Variants in GPR143 observed in about 807,000 individuals in gnomAD.
GPR143 encodes the protein G protein-coupled receptor 143.
Under a neutral mutation model 27.6 loss-of-function variants are expected in GPR143, and 8 were observed. The ratio of observed to expected loss-of-function variants is 0.29; its 90% confidence interval spans 0.17 to 0.52. The LOEUF (loss-of-function observed/expected upper bound fraction) is 0.52, where lower values mean the gene tolerates loss of function less well. Ranked by LOEUF, GPR143 falls within the 20% of genes least tolerant of loss-of-function variation. The pLI, the probability that GPR143 is intolerant of heterozygous loss-of-function variation, is 0.96. For missense variants in GPR143, 303 were observed against 343.1 expected (o/e 0.88, Z 0.92); for synonymous variants, 156 against 153.2 (o/e 1.02, Z -0.13).
chrX:9,736,690 T>G (rs1267739656), intron 8 of GPR143, among the ~76,000 whole-genome samples: 1 of 111,847 alleles, frequency 8.9e-6, no homozygotes, highest in Non-Finnish European at 1.9e-5. Context: ...TAATAATATG[T>G]CACTTGGAGT....
intron 1 of GPR143, among the ~76,000 whole-genome samples, chrX:9,772,717 G>A (rs2083558385): frequency 9.4e-6 from 1 of 106,728 alleles, no homozygotes; most frequent in South Asian, 4.3e-4. Context: ...TGGGGGCTGA[G>A]GCGGGAGGAT....
intron 1 of GPR143, among the ~76,000 whole-genome samples, chrX:9,773,808 G>A (rs1159971552): frequency 2.7e-5 from 3 of 110,507 alleles, no homozygotes; most frequent in African/African-American, 6.6e-5. Flanking sequence ...AAGCTGCAGT[G>A]AGCCGAGGTC....
At chrX:9,765,023 C>A (rs866851504) in intron 1 of GPR143, among the ~76,000 whole-genome samples, 22 of 86,205 alleles carry the variant, frequency 2.6e-4, no homozygotes, top group Middle Eastern at 6.0e-3. Context: ...GACTCCGTCT[C>A]AAAAAAAAAA....
At chrX:9,765,480 G>C in intron 1 of GPR143, 88 bp downstream of exon 1, 1 of 888,905 alleles carries the variant, frequency 1.1e-6, no homozygotes, top group Non-Finnish European at 1.4e-6. Context: ...GCCCTTATCC[G>C]GGCACCAGTC....
At chrX:9,732,629 G>A (rs962351192) in intron 8 of GPR143, among the ~76,000 whole-genome samples, 4 of 110,639 alleles carry the variant, frequency 3.6e-5, no homozygotes, top group African/African-American at 1.3e-4. Flanking sequence ...TTGGGAAGCC[G>A]AAGTGGGCAG....
At chrX:9,773,543 G>A (rs1334959911) in intron 1 of GPR143, among the ~76,000 whole-genome samples, 6 of 109,915 alleles carry the variant, frequency 5.5e-5, no homozygotes, top group South Asian at 7.8e-4. Flanking sequence ...ATACTTTTTC[G>A]TCATATCTAC....
At chrX:9,731,809 GA>G (rs113123660) in intron 8 of GPR143, among the ~76,000 whole-genome samples, 5 of 96,022 alleles carry the variant, frequency 5.2e-5, no homozygotes, top group East Asian at 3.5e-4. Flanking sequence ...GGGGGGGGGG[GA>G]AGGAATTGTG....
chrX:9,748,461 C>T (rs764669727), intron 4 of GPR143, 113 bp downstream of exon 4: 66 of 544,762 alleles, frequency 1.2e-4, no homozygotes, highest in Non-Finnish European at 1.9e-4. Context: ...CCTGAGACAA[C>T]GGCCTAACCT....
At chrX:9,766,955 GTTTAAAA>G (rs1463034931), upstream of GPR143, among the ~76,000 whole-genome samples, 2 of 103,189 alleles carry the variant, frequency 1.9e-5, no homozygotes, top group South Asian at 4.5e-4. Context: ...ACAGAATTAA[GTTTAAAA>G]TTTAAAAACA....
intron 3 of GPR143, among the ~76,000 whole-genome samples, chrX:9,750,202 ATTTG>A (rs1190940765): frequency 8.9e-6 from 1 of 111,953 alleles, no homozygotes; most frequent in Non-Finnish European, 1.9e-5. Context: ...ATGTACCAGT[ATTTG>A]TTTGAGTTCC....
At chrX:9,734,978 T>TA (rs747232108) in intron 8 of GPR143, among the ~76,000 whole-genome samples, 1 of 111,692 alleles carries the variant, frequency 9.0e-6, no homozygotes, top group South Asian at 3.8e-4. Flanking sequence ...CCTCCCCTAG[T>TA]AATGACTCTC....
chrX:9,759,539 C>G, intron 2 of GPR143, 113 bp from the exon 3 acceptor site: 1 of 537,471 alleles, frequency 1.9e-6, no homozygotes, highest in Non-Finnish European at 3.3e-6. Context: ...GGAAGCCGCA[C>G]GTGACAGCTC....
intron 5 of GPR143, among the ~76,000 whole-genome samples, chrX:9,744,944 A>G (rs984113445): frequency 1.8e-5 from 2 of 111,854 alleles, no homozygotes; most frequent in Non-Finnish European, 1.9e-5. Context: ...GCTATATTTA[A>G]CACACTATAT....
At chrX:9,727,024 C>A (rs1479306362) in intron 8 of GPR143, among the ~76,000 whole-genome samples, 1 of 112,656 alleles carries the variant, frequency 8.9e-6, no homozygotes, top group Admixed American at 9.3e-5. Flanking sequence ...AATGCCTAGG[C>A]AGATAGGAGT....
chrX:9,731,231 C>A (rs1278047383), intron 8 of GPR143, among the ~76,000 whole-genome samples: 1 of 111,533 alleles, frequency 9.0e-6, no homozygotes, highest in Non-Finnish European at 1.9e-5. Context: ...CACATCTCTA[C>A]GAAAAATACA....
chrX:9,752,331 G>A (rs1263715903), intron 3 of GPR143, among the ~76,000 whole-genome samples: 1 of 111,999 alleles, frequency 8.9e-6, no homozygotes, highest in East Asian at 2.8e-4. Flanking sequence ...GCCTCCCAAA[G>A]TGCTAGGATT....
rs891299925 is a variant in GPR143, at chrX:9,738,468, A to G, written c.1120+1017T>C. The G allele has an allele frequency of 4.1e-6, 3 of 726,433 alleles. No homozygotes were observed. The African/African-American group carries it at 7.0e-5, about 17-fold the overall frequency. 59.9% of individuals were successfully genotyped at this position (726,433 alleles called of 1,213,427 possible). A position where few individuals can be genotyped will look rare whatever the true frequency, so the allele number is the denominator to read the frequency against. On this transcript the variant is annotated intron_variant, in intron 8 of 8. Transcript: ENST00000467482. Reference sequence around the variant, plus strand: ...CTCTCTGTGTCTTTTAGCTTCAGCCAGAACTATCTCTTTCTCTTCATGGCT... The same window carrying G: ...CTCTCTGTGTCTTTTAGCTTCAGCCGGAACTATCTCTTTCTCTTCATGGCT...
chrX:9,733,500 T>G (rs766370505), intron 8 of GPR143, among the ~76,000 whole-genome samples: 12 of 110,629 alleles, frequency 1.1e-4, no homozygotes, highest in Admixed American at 1.1e-3. Context: ...TTGTGCGAGA[T>G]TCCAGGTATT....
At chrX:9,763,506 T>G (rs1373959905) in intron 1 of GPR143, among the ~76,000 whole-genome samples, 1 of 110,690 alleles carries the variant, frequency 9.0e-6, no homozygotes, top group Non-Finnish European at 1.9e-5. Context: ...ATATTGGGGT[T>G]GCAAATGTTT....
Sources: allele counts gnomAD v4.1 joint callset (sites outside exome capture counted in the v4.1 genomes callset), GRCh38; gene constraint gnomAD v4.1.1; transcripts MANE v1.5; gene names NCBI Gene and HGNC (gene_info 2026-07-23, HGNC 2026-07-21).